MOBP: variants seen among roughly 807,000 people sequenced by gnomAD.
MOBP encodes the protein myelin associated oligodendrocyte basic protein.
In MOBP, 5 loss-of-function variants were observed where a neutral mutation model predicts 15.0. That is an observed-to-expected ratio of 0.33 (90% CI 0.17 to 0.70). MOBP has a LOEUF of 0.70. Ranked by LOEUF, MOBP falls within the 30% of genes least tolerant of loss-of-function variation. The pLI, the probability that MOBP is intolerant of heterozygous loss-of-function variation, is 0.67. For synonymous variants in MOBP, 88 were observed against 99.0 expected, an observed-to-expected ratio of 0.89 and a Z score of 0.66; for missense variants, 188 against 257.8, an observed-to-expected ratio of 0.73 and a Z score of 1.85.
chr3:39,525,266 T>A (rs1188893982), downstream of MOBP: 1 of 152,216 alleles, frequency 6.6e-6, no homozygotes, highest in Non-Finnish European at 1.5e-5. Context: ...CAAGGTTATA[T>A]GTCTTAGAAA....
chr3:39,504,930 CA>C (rs1406605374), downstream of MOBP, among the ~76,000 whole-genome samples: 2 of 152,250 alleles, frequency 1.3e-5, no homozygotes, highest in Admixed American at 1.3e-4. Flanking sequence ...ATAATTTTGG[CA>C]AAGGCCTAAT....
At chr3:39,517,644 GA>G (rs2043219898), downstream of MOBP, 1 of 152,172 alleles carries the variant, frequency 6.6e-6, no homozygotes, top group Non-Finnish European at 1.5e-5. Flanking sequence ...CTGAATTAAA[GA>G]GTGTACTATT....
chr3:39,526,688 T>G (rs2043326739), downstream of MOBP: 1 of 152,030 alleles, frequency 6.6e-6, no homozygotes, highest in South Asian at 2.1e-4. Flanking sequence ...ACCCAACAAC[T>G]GGGTCTCTGG....
chr3:39,486,188 G>A (rs2042705606), intron 2 of MOBP, among the ~76,000 whole-genome samples: 1 of 152,156 alleles, frequency 6.6e-6, no homozygotes, highest in South Asian at 2.1e-4. Flanking sequence ...CTTGGTTGGG[G>A]TCCTGGGACT....
downstream of MOBP, chr3:39,529,480 T>A (rs367583048): frequency 1.3e-5 from 2 of 151,822 alleles, no homozygotes; most frequent in Non-Finnish European, 2.9e-5. Flanking sequence ...GCAAAAAAAA[T>A]GGCCAGTTTA....
chr3:39,512,041 T>G (rs887253785), intron 4 of MOBP, among the ~76,000 whole-genome samples: 1 of 152,192 alleles, frequency 6.6e-6, no homozygotes, highest in Non-Finnish European at 1.5e-5. Flanking sequence ...TGGATATTAT[T>G]GGAACAATTA....
chr3:39,470,831 A>G (rs758608347), intron 1 of MOBP, among the ~76,000 whole-genome samples: 2 of 152,226 alleles, frequency 1.3e-5, no homozygotes, highest in Non-Finnish European at 2.9e-5. Flanking sequence ...TATTACTACC[A>G]GTATGATCTT....
At chr3:39,521,849 T>C (rs978362881) in intron 3 of MOBP, among the ~76,000 whole-genome samples, 4 of 151,070 alleles carry the variant, frequency 2.6e-5, no homozygotes, top group African/African-American at 9.8e-5. Context: ...TCTCCTCTTA[T>C]GCTACTATCT....
chr3:39,497,296 T>A (rs959546287), intron 2 of MOBP, among the ~76,000 whole-genome samples: 1 of 152,226 alleles, frequency 6.6e-6, no homozygotes, highest in Non-Finnish European at 1.5e-5. Context: ...GTTTCTGTTG[T>A]TGTGAAGTCT....
At chr3:39,491,132 A>G (rs1575299427) in intron 2 of MOBP, among the ~76,000 whole-genome samples, 1 of 152,250 alleles carries the variant, frequency 6.6e-6, no homozygotes, top group African/African-American at 2.4e-5. Flanking sequence ...GGGATAGGTA[A>G]TTTATTATGA....
Position 39,502,814 on chromosome 3 carries a change from C to G in MOBP, c.486C>G (p.Ser162Arg). ...PPQKSKQQPR[S>R]SPLRGPGASR... is the part of the protein sequence containing the mutation. ...AGAAGTCCAAGCAACAGCCGCGCAGCAGCCCCCTCAGAGGGCCAGGCGCCA... is the reference window on the plus strand; with the variant it reads ...AGAAGTCCAAGCAACAGCCGCGCAGGAGCCCCCTCAGAGGGCCAGGCGCCA... Residue 162 changes from serine to arginine, a missense_variant, in exon 4 of 4, where the codon AGC (serine) becomes AGG (arginine). Physicochemically the swap from Ser to Arg is moderately radical, Grantham distance 110 (BLOSUM62 -1). Coordinates refer to ENST00000684792, the MANE Select transcript of MOBP (RefSeq NM_001393704.1). The surrounding 1 kb of genome is among the most constrained non-coding windows in gnomAD (Gnocchi z 6.3). 6.5e-7 allele frequency: 1 copy of G among 1,531,360 alleles called. No individual in the cohort carries two copies. The highest frequency in any genetic ancestry group is 1.4e-5 in the African/African-American group (1 of 73,098). 94.9% of individuals were successfully genotyped at this position (1,531,360 alleles called of 1,614,324 possible). A position where few individuals can be genotyped will look rare whatever the true frequency, so the allele number is the denominator to read the frequency against.
intron 2 of MOBP, among the ~76,000 whole-genome samples, chr3:39,495,005 A>G (rs2042856740): frequency 6.6e-6 from 1 of 152,062 alleles, no homozygotes; most frequent in Non-Finnish European, 1.5e-5. Context: ...TTGCTCCACC[A>G]CCTCACAGGA....
intron 4 of MOBP, among the ~76,000 whole-genome samples, chr3:39,510,650 T>C (rs930086809): frequency 1.3e-5 from 2 of 152,182 alleles, no homozygotes; most frequent in African/African-American, 4.8e-5. Context: ...TGTATATTGA[T>C]CATGTATCCT....
chr3:39,474,470 C>T lies in MOBP; in HGVS notation c.-88-5570C>T, dbSNP rs183602295. ...AGATGGTACAGGCTACTTAATACAACGGTAAATATTTGTATGTCTAAACAG... is the reference window on the plus strand; with the variant it reads ...AGATGGTACAGGCTACTTAATACAATGGTAAATATTTGTATGTCTAAACAG... On this transcript the variant is annotated intron_variant, in intron 1 of 3. Transcript: ENST00000684792. Among the ~76,000 whole-genome samples the T allele has an allele frequency of 6.6e-5, 10 of 152,228 alleles. No individual in the cohort carries two copies. The East Asian group carries it at 7.7e-4, about 12-fold the overall frequency.
At chr3:39,469,792 AC>A (rs2042442435) in intron 1 of MOBP, among the ~76,000 whole-genome samples, 1 of 152,236 alleles carries the variant, frequency 6.6e-6, no homozygotes, top group South Asian at 2.1e-4. Flanking sequence ...CCTAATAGTT[AC>A]TAGGATTTTA....
intron 2 of MOBP, among the ~76,000 whole-genome samples, chr3:39,483,265 G>C (rs562331258): frequency 6.6e-6 from 1 of 152,322 alleles, no homozygotes; most frequent in Admixed American, 6.5e-5. Flanking sequence ...TAAATATAAA[G>C]ATGGAGGCAT....
At chr3:39,523,654 T>C (rs2043295991) in intron 3 of MOBP, among the ~76,000 whole-genome samples, 1 of 152,272 alleles carries the variant, frequency 6.6e-6, no homozygotes, top group East Asian at 1.9e-4. Context: ...AAATCTTGAT[T>C]ATTTTGCTTA....
chr3:39,475,619 G>A (rs2042535073), intron 1 of MOBP, among the ~76,000 whole-genome samples: 1 of 152,026 alleles, frequency 6.6e-6, no homozygotes, highest in African/African-American at 2.4e-5. Flanking sequence ...ATTTATATCA[G>A]TATAAGCCCA....
chr3:39,504,275 A>G (rs2043019836), downstream of MOBP, among the ~76,000 whole-genome samples: 1 of 152,254 alleles, frequency 6.6e-6, no homozygotes, highest in Non-Finnish European at 1.5e-5. Context: ...GTATTGATAT[A>G]TGGAAGTAGT....
Sources: allele counts gnomAD v4.1 joint callset (sites outside exome capture counted in the v4.1 genomes callset), GRCh38; gene constraint gnomAD v4.1.1; non-coding constraint Gnocchi (gnomAD v3.1); transcripts MANE v1.5; gene names NCBI Gene and HGNC (gene_info 2026-07-23, HGNC 2026-07-21).